SSBP2: variants seen among roughly 807,000 people sequenced by gnomAD.
The protein encoded by SSBP2 is single-stranded DNA-binding protein 2.
In SSBP2, 17 loss-of-function variants were observed where a neutral mutation model predicts 61.8. The observed-to-expected ratio is 0.28, with a 90% CI of 0.19 to 0.41. SSBP2 has a LOEUF of 0.41. Among genes scored for constraint, SSBP2 ranks in the 10% least tolerant of loss-of-function variants. SSBP2 has a pLI of 1.00. For missense variants in SSBP2, 310 were observed against 458.7 expected, an observed-to-expected ratio of 0.68 and a Z score of 2.96; for synonymous variants, 139 against 141.3, an observed-to-expected ratio of 0.98 and a Z score of 0.12.
At chr5:81,527,776 A>G (rs891259497) in intron 4 of SSBP2, among the ~76,000 whole-genome samples, 1 of 151,658 alleles carries the variant, frequency 6.6e-6, no homozygotes, top group African/African-American at 2.4e-5. Context: ...TAGGACAAAT[A>G]CCTAATGCAT....
intron 5 of SSBP2, among the ~76,000 whole-genome samples, chr5:81,494,347 A>G (rs762393010): frequency 3.9e-5 from 6 of 152,264 alleles, no homozygotes; most frequent in Non-Finnish European, 2.9e-5. Context: ...TTATAGGTAT[A>G]AATTCTCATT....
chr5:81,619,421 G>C (rs1206429528), intron 3 of SSBP2, among the ~76,000 whole-genome samples: 1 of 56,162 alleles, frequency 1.8e-5, no homozygotes, highest in South Asian at 9.2e-4. Context: ...TTGAATCTCT[G>C]AATAGACCAA....
At position 81,722,250 on chromosome 5, in the gene SSBP2, T is replaced by C. The variant is rs1755583812; in HGVS notation, c.62+28731A>G. On this transcript the variant is annotated intron_variant, in intron 1 of 16. Transcript: ENST00000320672. ...TAGATCCCTGCCCAGCAGGTATTGA[T>C]GGCATGATGAAAGCCTTGTCAAAAA... is the stretch of plus-strand genomic sequence containing the variant. Among the ~76,000 whole-genome samples, 3 of 152,072 alleles carry C rather than the reference T, an allele frequency of 2.0e-5. No individual in the cohort carries two copies. The South Asian group carries it at 6.2e-4, about 31-fold the overall frequency.
intron 1 of SSBP2, among the ~76,000 whole-genome samples, chr5:81,666,470 G>A (rs751322924): frequency 7.9e-5 from 12 of 152,126 alleles, no homozygotes; most frequent in Non-Finnish European, 1.8e-4. Context: ...GTAGGTTTGG[G>A]ATTAAATAAT....
chr5:81,426,773 A>G (rs1276482885), intron 16 of SSBP2, among the ~76,000 whole-genome samples: 1 of 152,238 alleles, frequency 6.6e-6, no homozygotes, highest in African/African-American at 2.4e-5. Flanking sequence ...TTAAGACAGC[A>G]GTCACTAATG....
At chr5:81,563,498 C>T (rs1043780018) in intron 4 of SSBP2, among the ~76,000 whole-genome samples, 1 of 152,096 alleles carries the variant, frequency 6.6e-6, no homozygotes, top group African/African-American at 2.4e-5. Flanking sequence ...AATGAAACTT[C>T]ATCAAAAGTA....
chr5:81,554,117 A>T (rs1772412711), intron 4 of SSBP2, among the ~76,000 whole-genome samples: 1 of 152,172 alleles, frequency 6.6e-6, no homozygotes, highest in South Asian at 2.1e-4. Flanking sequence ...CATTATGATT[A>T]AAATCAACTT....
At chr5:81,617,760 G>C (rs1422571881) in intron 3 of SSBP2, among the ~76,000 whole-genome samples, 3 of 91,296 alleles carry the variant, frequency 3.3e-5, no homozygotes, top group Non-Finnish European at 6.6e-5. Flanking sequence ...TCTCTCGGCA[G>C]AAACCCTACA....
At chr5:81,612,576 A>G (rs2153594015) in intron 4 of SSBP2, among the ~76,000 whole-genome samples, 1 of 152,206 alleles carries the variant, frequency 6.6e-6, no homozygotes, top group African/African-American at 2.4e-5. Context: ...TTATGCCTCC[A>G]GTATTTCTTT....
chr5:81,445,145 T>C (rs1165092178), intron 12 of SSBP2, among the ~76,000 whole-genome samples: 11 of 55,434 alleles, frequency 2.0e-4, no homozygotes, highest in African/African-American at 8.1e-4. Context: ...ATTTTATATA[T>C]ATATATATAT....
chr5:81,507,791 A>G (rs958853197), intron 5 of SSBP2, among the ~76,000 whole-genome samples: 1 of 152,170 alleles, frequency 6.6e-6, no homozygotes, highest in Non-Finnish European at 1.5e-5. Context: ...TCACAAGAGA[A>G]GCTTCCTTGT....
chr5:81,622,057 G>A (rs574323292), intron 3 of SSBP2, among the ~76,000 whole-genome samples: 1 of 145,838 alleles, frequency 6.9e-6, no homozygotes, highest in African/African-American at 2.6e-5. Context: ...GTATACATAT[G>A]TAACTAACCT....
At chr5:81,539,670 T>G (rs539666434) in intron 4 of SSBP2, among the ~76,000 whole-genome samples, 1 of 152,170 alleles carries the variant, frequency 6.6e-6, no homozygotes, top group Non-Finnish European at 1.5e-5. Flanking sequence ...CTGCCATCAA[T>G]ATCAAGGCAA....
chr5:81,522,849 A>G (rs1366471097), intron 4 of SSBP2, among the ~76,000 whole-genome samples: 2 of 152,024 alleles, frequency 1.3e-5, no homozygotes, highest in African/African-American at 4.8e-5. Flanking sequence ...TTCAATCACA[A>G]AAATATTTTA....
At chr5:81,646,778 A>G (rs1749313711) in intron 2 of SSBP2, among the ~76,000 whole-genome samples, 1 of 150,542 alleles carries the variant, frequency 6.6e-6, no homozygotes, top group South Asian at 2.1e-4. Context: ...GCATGTATGC[A>G]AAGGTCTTCA....
At position 81,420,282 on chromosome 5, in the gene SSBP2, C is replaced by A. The variant is rs1279578445; in HGVS notation, c.*222G>T. 3 of 573,490 alleles carry A rather than the reference C, an allele frequency of 5.2e-6. No individual in the cohort carries two copies. The highest frequency in any genetic ancestry group is 9.3e-6 in the Non-Finnish European group (3 of 321,008). The allele number at this position is 573,490 out of a possible 1,614,324, so 35.5% of individuals were successfully genotyped here. A position where few individuals can be genotyped will look rare whatever the true frequency, so the allele number is the denominator to read the frequency against. On this transcript the variant is annotated 3_prime_UTR_variant, in exon 17 of 17. Coordinates refer to ENST00000320672, the MANE Select transcript of SSBP2 (RefSeq NM_012446.5). ...CATACACACATAATTATTTGCAGTT[C>A]AGTTTAGGGCAATTCTAATATGCCA...
At chr5:81,458,347 T>A (rs1411509577) in intron 10 of SSBP2, among the ~76,000 whole-genome samples, 3 of 152,208 alleles carry the variant, frequency 2.0e-5, no homozygotes, top group Admixed American at 6.5e-5. Flanking sequence ...TATGTGTTAG[T>A]TTTTTAGGAA....
At chr5:81,534,074 CA>C in intron 4 of SSBP2, among the ~76,000 whole-genome samples, 1 of 152,074 alleles carries the variant, frequency 6.6e-6, no homozygotes, top group Non-Finnish European at 1.5e-5. Flanking sequence ...CCTAAGATAA[CA>C]AAAATACTCA....
chr5:81,430,636 A>C (rs1762224044), intron 15 of SSBP2, among the ~76,000 whole-genome samples: 1 of 152,224 alleles, frequency 6.6e-6, no homozygotes. Context: ...GCTAATGTTT[A>C]AATACACACA....
Sources: allele counts gnomAD v4.1 joint callset (sites outside exome capture counted in the v4.1 genomes callset), GRCh38; gene constraint gnomAD v4.1.1; transcripts MANE v1.5; gene names NCBI Gene and HGNC (gene_info 2026-07-23, HGNC 2026-07-21).